The following FCGR2B variants were observed in gnomAD, a reference collection of about 807,000 sequenced individuals.
FCGR2B encodes the protein low affinity immunoglobulin gamma Fc region receptor II-b.
In FCGR2B, 18 loss-of-function variants were observed where a neutral mutation model predicts 24.8. That is an observed-to-expected ratio of 0.73 (90% CI 0.50 to 1.08). The LOEUF is 1.08. Ranked by LOEUF, FCGR2B falls within the 50% of genes least tolerant of loss-of-function variation. FCGR2B has a pLI of 0.00. For missense variants in FCGR2B, 215 were observed against 297.6 expected (o/e 0.72, Z 2.04); for synonymous variants, 79 against 109.8 (o/e 0.72, Z 1.75).
chr1:161,675,096 G>C (rs376905165), intron 5 of FCGR2B, 161 bp from the exon 6 acceptor site: 1 of 562,706 alleles, frequency 1.8e-6, no homozygotes, highest in Admixed American at 3.8e-5. Flanking sequence ...TTTTCCAGGC[G>C]GGAGCAGCCT....
At chr1:161,649,858 C>T in the FCGR2B span, among the ~76,000 whole-genome samples, 1 of 149,554 alleles carries the variant, frequency 6.7e-6, no homozygotes, top group African/African-American at 2.5e-5. Flanking sequence ...TAGTAATTGG[C>T]AAGAGGAAAA....
Position 161,678,117 on chromosome 1 carries a change from G to C in FCGR2B, c.*564G>C, listed in dbSNP as rs1021861999. On this transcript the variant is annotated 3_prime_UTR_variant, in exon 8 of 8. Coordinates refer to ENST00000358671, the MANE Select transcript of FCGR2B (RefSeq NM_001394477.1). The stretch of plus-strand genomic sequence containing the variant: ...GTGTAGACTGAACTGCCTGGGGTCT[G>C]TTTCTCTTCAGTGATGAGACTCTTA... The C allele has an allele frequency of 1.8e-5, 4 of 221,138 alleles. No individual in the cohort carries two copies. Among genetic ancestry groups the C allele is most frequent in the Non-Finnish European group, 3.6e-5 (4 of 110,578 alleles). The allele number at this position is 221,138 out of a possible 1,614,324, so 13.7% of individuals were successfully genotyped here.
upstream of FCGR2B, among the ~76,000 whole-genome samples, chr1:161,660,888 T>A: frequency 3.3e-5 from 1 of 30,130 alleles, no homozygotes; most frequent in African/African-American, 1.4e-4. Context: ...ACCTCAGTTC[T>A]ACTAAAAATA....
the FCGR2B span, among the ~76,000 whole-genome samples, chr1:161,647,294 ACT>A: frequency 8.2e-6 from 1 of 122,144 alleles, no homozygotes; most frequent in Non-Finnish European, 1.7e-5. Context: ...TTTGCTCTGG[ACT>A]CTTTTTTTTT....
the FCGR2B span, among the ~76,000 whole-genome samples, chr1:161,656,551 G>A: frequency 1.5e-5 from 1 of 66,110 alleles, no homozygotes; most frequent in South Asian, 6.5e-4. Flanking sequence ...CTGCTCTTCT[G>A]CTCCAGTCAC....
At chr1:161,673,421 C>T (rs774110952) in intron 4 of FCGR2B, 192 bp downstream of exon 4, 14 of 763,080 alleles carry the variant, frequency 1.8e-5, no homozygotes, top group Non-Finnish European at 3.3e-5. Context: ...TTGGAGCCCT[C>T]AGGTGATAGG....
At chr1:161,652,967 T>C in the FCGR2B span, among the ~76,000 whole-genome samples, 85,321 of 131,960 alleles carry the variant, frequency 0.65, 28,349 homozygotes, top group Non-Finnish European at 0.75. Context: ...TTTAGGACTT[T>C]CTAAAGTATG....
the FCGR2B span, among the ~76,000 whole-genome samples, chr1:161,647,583 G>T: frequency 2.2e-3 from 328 of 150,718 alleles, 18 homozygotes; most frequent in African/African-American, 7.9e-3. Context: ...AGCATTAGAG[G>T]TGTGAGCCAC....
chr1:161,658,954 C>A (rs1395280795), upstream of FCGR2B, among the ~76,000 whole-genome samples: 1 of 151,470 alleles, frequency 6.6e-6, no homozygotes, highest in Non-Finnish European at 1.5e-5. Flanking sequence ...AAACACTAGT[C>A]CCAACTGGAA....
At chr1:161,667,397 C>T (rs1391411539) in intron 1 of FCGR2B, among the ~76,000 whole-genome samples, 7 of 126,708 alleles carry the variant, frequency 5.5e-5, no homozygotes, top group East Asian at 2.0e-4. Flanking sequence ...ATGCGGTGAT[C>T]GCACATTTAC....
At chr1:161,653,776 CG>C in the FCGR2B span, among the ~76,000 whole-genome samples, 1 of 124,090 alleles carries the variant, frequency 8.1e-6, no homozygotes, top group Non-Finnish European at 1.8e-5. Flanking sequence ...GTCACGTAAC[CG>C]GGGATTGCAA....
chr1:161,661,210 GAAAGAAAGAAAGAAAGAAAGAA>G (rs1681020147), upstream of FCGR2B, among the ~76,000 whole-genome samples: 1 of 78,574 alleles, frequency 1.3e-5, no homozygotes, highest in African/African-American at 5.7e-5. Context: ...AAGAAAGAAA[GAAAGAAAGAAAGAAAGAAAGAA>G]AGAAAGAAAG....
upstream of FCGR2B, among the ~76,000 whole-genome samples, chr1:161,661,189 G>GGAAAGAAAGAAA (rs201423251): frequency 6.1e-4 from 43 of 70,624 alleles, 2 homozygotes; most frequent in East Asian, 1.5e-3. Flanking sequence ...AAGGAAGAAA[G>GGAAAGAAAGAAA]GAAAGAAAGA....
At chr1:161,676,437 T>G (rs929153127) in intron 6 of FCGR2B, 9 of 180,228 alleles carry the variant, frequency 5.0e-5, no homozygotes, top group African/African-American at 2.1e-4. Context: ...GTTGTGTGGT[T>G]CTGTCTGCAC....
intron 3 of FCGR2B, chr1:161,671,931 C>T (rs1268934089): frequency 5.4e-6 from 3 of 553,112 alleles, no homozygotes; most frequent in Middle Eastern, 4.9e-4. Flanking sequence ...GCACAGACCA[C>T]AACTGAATCC....
chr1:161,647,874 A>G, the FCGR2B span, among the ~76,000 whole-genome samples: 5 of 151,170 alleles, frequency 3.3e-5, no homozygotes, highest in South Asian at 1.1e-3. Flanking sequence ...TCGTGTGTTC[A>G]TAAATGGGGC....
At chr1:161,649,266 T>C in the FCGR2B span, among the ~76,000 whole-genome samples, 1 of 151,070 alleles carries the variant, frequency 6.6e-6, no homozygotes, top group East Asian at 1.9e-4. Context: ...AACTCCTCTT[T>C]TACTTTTTTG....
chr1:161,647,800 T>C, the FCGR2B span, among the ~76,000 whole-genome samples: 104 of 151,074 alleles, frequency 6.9e-4, 4 homozygotes, highest in East Asian at 0.017. Context: ...CCAGAAGAAA[T>C]AAAACAAATC....
In FCGR2B at chr1:161,675,252, C is replaced by G. The variant is rs747369696; in HGVS notation, c.761-5C>G. On this transcript the variant is annotated splice_polypyrimidine_tract_variant and splice_region_variant and intron_variant, in intron 5 of 7. Transcript: ENST00000358671. ...TCCTACTAACCTCCTGTGTGCCCCT[C>G]CCAGCTCTCCCAGGATACCCTGAGT... 6.2e-7 allele frequency: 1 copy of G among 1,605,158 alleles called. No individual in the cohort carries two copies. The highest frequency in any genetic ancestry group is 8.5e-7 in the Non-Finnish European group (1 of 1,176,318).
Sources: allele counts gnomAD v4.1 joint callset (sites outside exome capture counted in the v4.1 genomes callset), GRCh38; gene constraint gnomAD v4.1.1; transcripts MANE v1.5; gene names NCBI Gene and HGNC (gene_info 2026-07-23, HGNC 2026-07-21).